The following ABCG2 variants were observed in gnomAD, a reference collection of about 807,000 sequenced individuals.
ABCG2 encodes ATP binding cassette subfamily G member 2 (JR blood group), also known as broad substrate specificity ATP-binding cassette transporter ABCG2.
In ABCG2, 80 loss-of-function variants were observed where a neutral mutation model predicts 73.5. The ratio of observed to expected loss-of-function variants is 1.09; its 90% CI spans 0.91 to 1.31. The LOEUF (loss-of-function observed/expected upper bound fraction) is 1.31. Ranked by LOEUF, ABCG2 falls within the 50% of genes most tolerant of loss-of-function variation. The pLI is 0.00. For missense variants in ABCG2, 796 were observed against 786.2 expected (o/e 1.01, Z -0.15); for synonymous variants, 269 against 282.4 (o/e 0.95, Z 0.48).
intron 1 of ABCG2, among the ~76,000 whole-genome samples, chr4:88,228,734 T>G (rs1016798496): frequency 6.6e-6 from 1 of 152,158 alleles, no homozygotes; most frequent in Non-Finnish European, 1.5e-5. Context: ...CAATCAGCAC[T>G]CTGTGTCTAG....
chr4:88,152,693 G>C (rs1478617719), intron 1 of ABCG2, among the ~76,000 whole-genome samples: 1 of 152,258 alleles, frequency 6.6e-6, no homozygotes, highest in East Asian at 1.9e-4. Flanking sequence ...GGTCACAGGG[G>C]ATATGATGGC....
upstream of ABCG2, among the ~76,000 whole-genome samples, chr4:88,164,241 T>C (rs1245088406): frequency 6.6e-6 from 1 of 152,112 alleles, no homozygotes; most frequent in Non-Finnish European, 1.5e-5. Flanking sequence ...AATTTTTGTA[T>C]TTTTAGTAGA....
At chr4:88,210,856 C>G (rs75004936) in intron 1 of ABCG2, among the ~76,000 whole-genome samples, 21,867 of 152,080 alleles carry the variant, frequency 0.14, 1,800 homozygotes, top group Non-Finnish European at 0.19. Context: ...GCCACCACAC[C>G]TGACCCATAC....
At chr4:88,194,406 A>C (rs1001415510) in intron 1 of ABCG2, among the ~76,000 whole-genome samples, 7 of 151,640 alleles carry the variant, frequency 4.6e-5, no homozygotes, top group South Asian at 2.1e-4. Flanking sequence ...AAAAATTAGC[A>C]GGGCATGGTG....
chr4:88,210,220 CAT>C (rs1553900072), intron 1 of ABCG2, among the ~76,000 whole-genome samples: 1 of 130,928 alleles, frequency 7.6e-6, no homozygotes, highest in African/African-American at 2.9e-5. Context: ...CACACACACA[CAT>C]ATACATATAT....
At position 88,132,627 on chromosome 4, in the gene ABCG2, A is replaced by T. The variant is rs1321490321; in HGVS notation, c.212T>A (p.Met71Lys). Residue 71 changes from methionine to lysine, a missense_variant, in exon 3 of 16, where the codon ATG (methionine) becomes AAG (lysine). Physicochemically the swap from Met to Lys is moderately conservative, Grantham distance 95. Coordinates refer to ENST00000237612, the MANE Select transcript of ABCG2 (RefSeq NM_004827.3). The part of the protein sequence containing the change: ...KEILSNINGI[M>K]KPGLNAILGP... ...CAGGATGGCGTTGAGACCAGGTTTC[A>T]TGATCCCACTGTAAACACAAAAACA... 6.2e-7 allele frequency: 1 copy of T among 1,614,176 alleles called. No homozygotes were observed. The highest frequency in any genetic ancestry group is 1.1e-5 in the South Asian group (1 of 91,078).
chr4:88,176,510 T>A (rs1727986571), intron 1 of ABCG2, among the ~76,000 whole-genome samples: 2 of 130,988 alleles, frequency 1.5e-5, no homozygotes, highest in Non-Finnish European at 3.1e-5. Context: ...TGACAGGGTC[T>A]CACTGTTTCA....
chr4:88,136,500 G>A (rs1725252518), intron 2 of ABCG2, among the ~76,000 whole-genome samples: 3 of 152,178 alleles, frequency 2.0e-5, no homozygotes, highest in Admixed American at 6.5e-5. Flanking sequence ...GAGCCCAGGA[G>A]TTTGAGATGT....
chr4:88,172,294 C>CA (rs397815020), intron 1 of ABCG2, among the ~76,000 whole-genome samples: 78,057 of 133,486 alleles, frequency 0.58, 21,956 homozygotes, highest in Middle Eastern at 0.67. Context: ...AGCTCCGTCA[C>CA]AAAAAAAAAA....
In ABCG2 at chr4:88,203,458, T is replaced by C. The variant is rs182228386; in HGVS notation, c.-20+27536A>G. On this transcript the variant is annotated intron_variant, in intron 1 of 15. Transcript: ENST00000515655. ...TCGAATATTGGAGCTTAAATATAAC[T>C]GGAGAGCTTTGCCTAAGAAACTTAA... Among the ~76,000 whole-genome samples the C allele has an allele frequency of 1.9e-3, 282 of 152,302 alleles. 2 individuals are homozygous for C. The highest frequency in any genetic ancestry group is 6.7e-3 in the African/African-American group (280 of 41,562).
At position 88,115,284 on chromosome 4, in the gene ABCG2, A is replaced by ATATATATATATT. The variant is rs58774529; in HGVS notation, c.842-227_842-226insAATATATATATA. Among the ~76,000 whole-genome samples, 197 of 73,012 alleles carry ATATATATATATT rather than the reference A, an allele frequency of 2.7e-3. 5 individuals are homozygous for ATATATATATATT. The highest frequency in any genetic ancestry group is 0.013 in the Middle Eastern group (2 of 156). 47.9% of individuals were successfully genotyped at this position (73,012 alleles called of 152,430 possible). A position where few individuals can be genotyped will look rare whatever the true frequency, so the allele number is the denominator to read the frequency against. Reference sequence around the variant, plus strand: ...TATATATATATATATATATATATATAATTTATTTATTTATTTTGAGACAGG... The same window carrying ATATATATATATT: ...TATATATATATATATATATATATATATATATATATATTATTTATTTATTTATTTTGAGACAGG... On this transcript the variant is annotated intron_variant, in intron 7 of 15. Coordinates refer to ENST00000237612, the MANE Select transcript of ABCG2 (RefSeq NM_004827.3).
chr4:88,124,396 G>A (rs985021000), intron 5 of ABCG2, among the ~76,000 whole-genome samples: 8 of 152,044 alleles, frequency 5.3e-5, no homozygotes, highest in Admixed American at 3.3e-4. Context: ...AAGACCCATC[G>A]GTGTGCTGTA....
chr4:88,128,743 G>A (rs940251386), intron 5 of ABCG2, among the ~76,000 whole-genome samples: 1 of 152,142 alleles, frequency 6.6e-6, no homozygotes, highest in Non-Finnish European at 1.5e-5. Flanking sequence ...GACACAGGGA[G>A]TGGAACATCA....
chr4:88,177,515 G>C (rs1728052966), intron 1 of ABCG2, among the ~76,000 whole-genome samples: 1 of 152,108 alleles, frequency 6.6e-6, no homozygotes, highest in Non-Finnish European at 1.5e-5. Context: ...GGTGGAACAA[G>C]ATCACTGAAT....
Position 88,158,531 on chromosome 4 carries a change from T to C in ABCG2, c.-165A>G, listed in dbSNP as rs1043399660. On this transcript the variant is annotated 5_prime_UTR_variant, in exon 1 of 16. Transcript: ENST00000237612. ...CAAACTCTAAAGCAGCAGTTTCCACTTAACAAGACCACCAAGCATGTGCAC... is the reference window on the plus strand; with the variant it reads ...CAAACTCTAAAGCAGCAGTTTCCACCTAACAAGACCACCAAGCATGTGCAC... 4 of 456,308 alleles carry C rather than the reference T, an allele frequency of 8.8e-6. No homozygotes were observed. The highest frequency in any genetic ancestry group is 6.0e-5 in the African/African-American group (3 of 50,068). 28.3% of individuals were successfully genotyped at this position (456,308 alleles called of 1,614,324 possible).
rs1367237725 is a variant in ABCG2, at chr4:88,090,929, T to C, written c.*1305A>G. The C allele has an allele frequency of 6.6e-6, 1 of 152,258 alleles. No individual in the cohort carries two copies. The highest frequency in any genetic ancestry group is 1.5e-5 in the Non-Finnish European group (1 of 68,044). The allele number at this position is 152,258 out of a possible 1,614,324, so 9.4% of individuals were successfully genotyped here. On this transcript the variant is annotated 3_prime_UTR_variant, in exon 16 of 16. Transcript: ENST00000237612. Reference sequence around the variant, plus strand: ...GAGTAGACAGGAACTTTCCTCACTATCTTTGCAACTTTTCTGTCAATCTAA... The same window carrying C: ...GAGTAGACAGGAACTTTCCTCACTACCTTTGCAACTTTTCTGTCAATCTAA...
At chr4:88,157,291 AAAC>A (rs948101797) in intron 1 of ABCG2, among the ~76,000 whole-genome samples, 1 of 152,234 alleles carries the variant, frequency 6.6e-6, no homozygotes, top group African/African-American at 2.4e-5. Context: ...GTCCATGAAA[AAAC>A]AATGAAAGGC....
intron 1 of ABCG2, among the ~76,000 whole-genome samples, chr4:88,181,941 T>G (rs1314327404): frequency 6.6e-6 from 1 of 151,958 alleles, no homozygotes; most frequent in East Asian, 1.9e-4. Context: ...ATAATAACAT[T>G]GAATGTAAAT....
At chr4:88,102,043 T>A (rs1722460981) in intron 10 of ABCG2, among the ~76,000 whole-genome samples, 1 of 152,186 alleles carries the variant, frequency 6.6e-6, no homozygotes, top group Non-Finnish European at 1.5e-5. Context: ...ATGTAAGTCA[T>A]GTGGAAGCAA....
Sources: allele counts gnomAD v4.1 joint callset (sites outside exome capture counted in the v4.1 genomes callset), GRCh38; gene constraint gnomAD v4.1.1; transcripts MANE v1.5; gene names NCBI Gene and HGNC (gene_info 2026-07-23, HGNC 2026-07-21).